Variants in NDUFA9 observed in about 807,000 individuals in gnomAD.
The protein encoded by NDUFA9 is NADH dehydrogenase [ubiquinone] 1 alpha subcomplex subunit 9, mitochondrial.
A neutral mutation model predicts 45.9 loss-of-function variants in NDUFA9; 23 were observed. The observed-to-expected ratio is 0.50, with a 90% CI of 0.36 to 0.71. NDUFA9 has a LOEUF of 0.71. Ranked by LOEUF, NDUFA9 falls within the 30% of genes least tolerant of loss-of-function variation. NDUFA9 has a pLI of 0.00. For synonymous variants in NDUFA9, 176 were observed against 170.5 expected (o/e 1.03, Z -0.25); for missense variants, 466 against 488.2 (o/e 0.95, Z 0.43).
intron 9 of NDUFA9, 96 bp downstream of exon 9, chr12:4,682,396 GCTGGTCTC>G (rs1219462466): frequency 1.3e-6 from 1 of 753,376 alleles, no homozygotes; most frequent in African/African-American, 1.8e-5. Context: ...TGTGTGAAGG[GCTGGTCTC>G]CAGATCTCCT....
chr12:4,661,855 A>C (rs1049685410), intron 5 of NDUFA9, among the ~76,000 whole-genome samples: 3 of 151,992 alleles, frequency 2.0e-5, no homozygotes, highest in African/African-American at 7.2e-5. Context: ...AGATGTTGAT[A>C]CAGTAGGTGG....
At chr12:4,678,434 A>G (rs1945933682) in intron 8 of NDUFA9, among the ~76,000 whole-genome samples, 1 of 152,148 alleles carries the variant, frequency 6.6e-6, no homozygotes, top group African/African-American at 2.4e-5. Context: ...TCATAAAATA[A>G]AAAATAAATG....
At chr12:4,657,691 T>C in intron 3 of NDUFA9, 57 bp from the exon 4 acceptor site, 2 of 1,242,704 alleles carry the variant, frequency 1.6e-6, no homozygotes, top group Non-Finnish European at 1.2e-6. Context: ...GCTGCAGAAG[T>C]GTTGAGTGCT....
At chr12:4,666,129 T>C (rs1945851885) in intron 6 of NDUFA9, among the ~76,000 whole-genome samples, 1 of 152,220 alleles carries the variant, frequency 6.6e-6, no homozygotes, top group African/African-American at 2.4e-5. Context: ...ATTTATGTTT[T>C]CCTAATGATT....
Position 4,668,473 on chromosome 12 carries a change from T to C in NDUFA9, c.672T>C (p.Gly224=). The C allele has an allele frequency of 2.5e-6, 4 of 1,613,782 alleles. No homozygotes were observed. The highest frequency in any genetic ancestry group is 3.4e-6 in the Non-Finnish European group (4 of 1,179,676). The change falls in exon 7 of 11, where the codon GGT becomes GGC. Residue 224 remains glycine (G), a synonymous_variant. Transcript: ENST00000266544. The part of the protein sequence containing the change: ...LNSFASMHRF[G]PIPLGSLGWK... ...TTCCGCTAGGTATGCATCGGTTTGG[T>C]CCTATACCCCTTGGTTCCTTGGGCT...
At chr12:4,662,153 A>G (rs1221778677) in intron 5 of NDUFA9, among the ~76,000 whole-genome samples, 2 of 152,192 alleles carry the variant, frequency 1.3e-5, no homozygotes, top group East Asian at 3.9e-4. Context: ...TGACACTTCC[A>G]TTATTGCAGC....
chr12:4,674,846 C>A (rs945485466), intron 8 of NDUFA9, among the ~76,000 whole-genome samples: 1 of 152,184 alleles, frequency 6.6e-6, no homozygotes, highest in African/African-American at 2.4e-5. Context: ...GAACTCTCCA[C>A]CCCAAATCAA....
intron 8 of NDUFA9, among the ~76,000 whole-genome samples, chr12:4,674,749 TAGAA>T (rs1427523787): frequency 2.0e-5 from 3 of 152,226 alleles, no homozygotes; most frequent in Admixed American, 1.3e-4. Flanking sequence ...CTGTCAATAT[TAGAA>T]AGATCAACGA....
Position 4,693,509 on chromosome 12 carries a change from G to A in NDUFA9, c.*6401G>A, listed in dbSNP as rs1230223029. The A allele has an allele frequency of 2.6e-5, 4 of 152,134 alleles. No homozygotes were observed. Among genetic ancestry groups the A allele is most frequent in the African/African-American group, 9.7e-5 (4 of 41,412 alleles). 9.4% of individuals were successfully genotyped at this position (152,134 alleles called of 1,614,324 possible). Reference sequence around the variant, plus strand: ...AGTGGTTATCCTCTCTCCAAGACTGGGCCAGGGGTGAGAAGGGCAGTCTTA... The same window carrying A: ...AGTGGTTATCCTCTCTCCAAGACTGAGCCAGGGGTGAGAAGGGCAGTCTTA... On this transcript the variant is annotated 3_prime_UTR_variant, in exon 11 of 11. Coordinates refer to ENST00000266544, the MANE Select transcript of NDUFA9 (RefSeq NM_005002.5).
chr12:4,675,749 C>A (rs1360035146), intron 8 of NDUFA9, among the ~76,000 whole-genome samples: 4 of 152,204 alleles, frequency 2.6e-5, no homozygotes, highest in African/African-American at 9.7e-5. Context: ...GAGCTGGTAC[C>A]ATTCCTTCTG....
intron 10 of NDUFA9, among the ~76,000 whole-genome samples, 168 bp downstream of exon 10, chr12:4,685,493 G>C (rs548310490): frequency 6.6e-6 from 1 of 152,174 alleles, no homozygotes; most frequent in South Asian, 2.1e-4. Flanking sequence ...TGCTCCAGGG[G>C]GCGGCTCCTC....
At chr12:4,686,888 T>G (rs771753194) in intron 10 of NDUFA9, 50 bp from the exon 11 acceptor site, 26 of 1,572,688 alleles carry the variant, frequency 1.7e-5, no homozygotes, top group Non-Finnish European at 2.1e-5. Flanking sequence ...GATAGCACTT[T>G]GTTCTCAGCC....
intron 8 of NDUFA9, among the ~76,000 whole-genome samples, chr12:4,670,035 A>T (rs977207887): frequency 2.6e-5 from 4 of 152,178 alleles, no homozygotes; most frequent in African/African-American, 9.7e-5. Flanking sequence ...TATTACATAT[A>T]CTTAGTCCAG....
At chr12:4,683,031 G>A (rs1945963093) in intron 9 of NDUFA9, among the ~76,000 whole-genome samples, 1 of 152,094 alleles carries the variant, frequency 6.6e-6, no homozygotes, top group Non-Finnish European at 1.5e-5. Context: ...CTGAGATTGT[G>A]CCACTGCACT....
chr12:4,676,477 G>A (rs1282231434), intron 8 of NDUFA9, among the ~76,000 whole-genome samples: 2 of 152,322 alleles, frequency 1.3e-5, no homozygotes, highest in Non-Finnish European at 2.9e-5. Context: ...AAAATCACAA[G>A]CATTCCCATA....
In NDUFA9 at chr12:4,649,270, C is replaced by T. The variant is rs75369454; in HGVS notation, c.49+95C>T. ...CACCGTGCTGCAGCGGTCACGCCAA[C>T]TTCCTAGGCACACTCTGGTTTCTCT... is the stretch of plus-strand genomic sequence containing the variant. On this transcript the variant is annotated intron_variant, in intron 1 of 10. Transcript: ENST00000266544. The T allele has an allele frequency of 3.2e-4, 450 of 1,399,030 alleles. 2 individuals are homozygous for T. In the East Asian group the frequency reaches 9.5e-3, roughly 29 times the overall value. 86.7% of individuals were successfully genotyped at this position (1,399,030 alleles called of 1,614,324 possible).
At chr12:4,668,065 C>T (rs1347158272) in intron 6 of NDUFA9, among the ~76,000 whole-genome samples, 1 of 151,982 alleles carries the variant, frequency 6.6e-6, no homozygotes, top group African/African-American at 2.4e-5. Context: ...CAGAACTCAT[C>T]TAGATATTAA....
At chr12:4,668,038 A>G (rs1323755952) in intron 6 of NDUFA9, among the ~76,000 whole-genome samples, 1 of 152,148 alleles carries the variant, frequency 6.6e-6, no homozygotes, top group African/African-American at 2.4e-5. Context: ...TGTATCACTC[A>G]TCTGTTGATA....
chr12:4,656,608 T>C (rs1945792297), intron 3 of NDUFA9, among the ~76,000 whole-genome samples: 1 of 152,264 alleles, frequency 6.6e-6, no homozygotes, highest in Non-Finnish European at 1.5e-5. Context: ...TGTTTGCATC[T>C]GCTGTCTGAA....
Sources: allele counts gnomAD v4.1 joint callset (sites outside exome capture counted in the v4.1 genomes callset), GRCh38; gene constraint gnomAD v4.1.1; transcripts MANE v1.5; gene names NCBI Gene and HGNC (gene_info 2026-07-23, HGNC 2026-07-21).